The following HIBADH variants were observed in gnomAD, a reference collection of about 807,000 sequenced individuals.
HIBADH encodes the protein 3-hydroxyisobutyrate dehydrogenase, also known as 3-hydroxyisobutyrate dehydrogenase, mitochondrial.
Under a neutral mutation model 36.1 loss-of-function variants are expected in HIBADH, and 25 were observed. That is an observed-to-expected ratio of 0.69 (90% CI 0.50 to 0.97). HIBADH has a LOEUF of 0.97. HIBADH is among the 50% of genes least tolerant of loss of function. HIBADH has a pLI of 0.00. For missense variants in HIBADH, 421 were observed against 418.0 expected (o/e 1.01, Z -0.06); for synonymous variants, 160 against 149.5 (o/e 1.07, Z -0.51).
chr7:27,623,394 C>T (rs888984200), intron 4 of HIBADH, among the ~76,000 whole-genome samples: 17 of 152,098 alleles, frequency 1.1e-4, no homozygotes, highest in Non-Finnish European at 1.6e-4. Flanking sequence ...TGCTGAAAGT[C>T]CTAGCCAGAG....
At chr7:27,531,516 C>CTGGTTAAACTGAAT (rs1583555414) in intron 6 of HIBADH, among the ~76,000 whole-genome samples, 168 bp from the exon 7 acceptor site, 1 of 152,140 alleles carries the variant, frequency 6.6e-6, no homozygotes, top group East Asian at 1.9e-4. Flanking sequence ...TTATAGAGTA[C>CTGGTTAAACTGAAT]TAAACACTAC....
intron 6 of HIBADH, among the ~76,000 whole-genome samples, chr7:27,532,168 C>T (rs1300908518): frequency 6.6e-6 from 1 of 152,292 alleles, no homozygotes; most frequent in East Asian, 1.9e-4. Context: ...AATCAAAATG[C>T]TCCATTACTT....
At chr7:27,591,054 GTCTCA>G (rs979514023) in intron 4 of HIBADH, among the ~76,000 whole-genome samples, 2 of 152,104 alleles carry the variant, frequency 1.3e-5, no homozygotes, top group Non-Finnish European at 2.9e-5. Flanking sequence ...GTATCAAATG[GTCTCA>G]TCTAAGTCTT....
chr7:27,562,741 A>G (rs911715622), intron 4 of HIBADH, among the ~76,000 whole-genome samples: 1 of 152,184 alleles, frequency 6.6e-6, no homozygotes, highest in African/African-American at 2.4e-5. Context: ...TATGGGTATG[A>G]GCCACCACAC....
intron 4 of HIBADH, among the ~76,000 whole-genome samples, chr7:27,604,043 T>C (rs1337337024): frequency 1.3e-5 from 2 of 152,142 alleles, no homozygotes; most frequent in Non-Finnish European, 2.9e-5. Flanking sequence ...TTAGACAGTA[T>C]TGCCTTTTAT....
intron 4 of HIBADH, among the ~76,000 whole-genome samples, chr7:27,584,548 A>G (rs1296676330): frequency 1.3e-5 from 2 of 151,998 alleles, no homozygotes; most frequent in Non-Finnish European, 2.9e-5. Context: ...TTTTCTTTCT[A>G]TAAGATGTCT....
In HIBADH at chr7:27,548,245, C is replaced by G. The variant is rs375290195; in HGVS notation, c.485-5145G>C. On this transcript the variant is annotated intron_variant, in intron 4 of 7. Transcript: ENST00000265395. ...AGGACTCCATTTGCTAAACTGCCTT[C>G]TTTCTTCCCTTCCACACCTACTTAT... Among the ~76,000 whole-genome samples, 7 of 151,566 alleles carry G rather than the reference C, an allele frequency of 4.6e-5. No individual in the cohort carries two copies. The South Asian group carries it at 8.4e-4, about 18-fold the overall frequency.
chr7:27,599,014 C>T (rs1440813173), intron 4 of HIBADH, among the ~76,000 whole-genome samples: 2 of 150,774 alleles, frequency 1.3e-5, no homozygotes, highest in African/African-American at 2.4e-5. Context: ...AATTCAAACT[C>T]GACATACAGT....
At chr7:27,603,305 A>G (rs574290915) in intron 4 of HIBADH, among the ~76,000 whole-genome samples, 52 of 152,282 alleles carry the variant, frequency 3.4e-4, no homozygotes, top group Non-Finnish European at 7.4e-4. Flanking sequence ...GTTGGGCACA[A>G]TTTCATTGTT....
At chr7:27,564,267 A>T (rs1298368114) in intron 4 of HIBADH, among the ~76,000 whole-genome samples, 1 of 152,014 alleles carries the variant, frequency 6.6e-6, no homozygotes, top group Non-Finnish European at 1.5e-5. Context: ...ATATCACAGA[A>T]TTTTTTCCAA....
At chr7:27,560,265 G>T (rs1042331860) in intron 4 of HIBADH, among the ~76,000 whole-genome samples, 1 of 152,138 alleles carries the variant, frequency 6.6e-6, no homozygotes. Flanking sequence ...GGGATTACAG[G>T]CGTGCACCAC....
chr7:27,621,757 A>G (rs1269791130), intron 4 of HIBADH, among the ~76,000 whole-genome samples: 1 of 152,202 alleles, frequency 6.6e-6, no homozygotes, highest in Admixed American at 6.5e-5. Flanking sequence ...GCACCACTGC[A>G]TTACAGCCTG....
At position 27,616,811 on chromosome 7, in the gene HIBADH, T is replaced by A. The variant is rs534613146; in HGVS notation, c.484+12560A>T. Among the ~76,000 whole-genome samples, 837 of 146,424 alleles carry A rather than the reference T, an allele frequency of 5.7e-3. 5 individuals are homozygous for A. The highest frequency in any genetic ancestry group is 0.014 in the Middle Eastern group (4 of 290). ...GAGTTAAAAGGTAAAAAAAAAAAAA[T>A]TTTTAATTAATAGAAAAAAAGCTTA... On this transcript the variant is annotated intron_variant, in intron 4 of 7. Coordinates refer to ENST00000265395, the MANE Select transcript of HIBADH (RefSeq NM_152740.4).
At chr7:27,540,755 T>C (rs1784137357) in intron 5 of HIBADH, among the ~76,000 whole-genome samples, 1 of 152,186 alleles carries the variant, frequency 6.6e-6, no homozygotes, top group Non-Finnish European at 1.5e-5. Context: ...TAGGGGCAAG[T>C]TGGCCCCTTG....
chr7:27,607,594 T>C (rs934692271), intron 4 of HIBADH, among the ~76,000 whole-genome samples: 13 of 152,178 alleles, frequency 8.5e-5, no homozygotes, highest in Non-Finnish European at 7.3e-5. Context: ...TTCTCAAAAT[T>C]ATCATTTATT....
chr7:27,628,430 C>A (rs1435741017), intron 4 of HIBADH, among the ~76,000 whole-genome samples: 2 of 152,038 alleles, frequency 1.3e-5, no homozygotes, highest in Non-Finnish European at 2.9e-5. Context: ...TGCTATACTG[C>A]TACAAATACA....
intron 6 of HIBADH, among the ~76,000 whole-genome samples, chr7:27,533,816 A>G (rs951810762): frequency 6.6e-5 from 10 of 152,194 alleles, no homozygotes; most frequent in South Asian, 2.1e-4. Context: ...GCTCTCAACC[A>G]TGATAAAATG....
At chr7:27,562,734 G>C (rs894458560) in intron 4 of HIBADH, among the ~76,000 whole-genome samples, 1 of 152,122 alleles carries the variant, frequency 6.6e-6, no homozygotes, top group African/African-American at 2.4e-5. Context: ...CTGAGATTAT[G>C]GGTATGAGCC....
chr7:27,600,843 A>G (rs1258959787), intron 4 of HIBADH, among the ~76,000 whole-genome samples: 1 of 152,020 alleles, frequency 6.6e-6, no homozygotes, highest in Non-Finnish European at 1.5e-5. Flanking sequence ...CCTCTTCTTT[A>G]CTCTTCTTTC....
Sources: allele counts gnomAD v4.1 joint callset (sites outside exome capture counted in the v4.1 genomes callset), GRCh38; gene constraint gnomAD v4.1.1; transcripts MANE v1.5; gene names NCBI Gene and HGNC (gene_info 2026-07-23, HGNC 2026-07-21).